The following TRPM3 variants were observed in gnomAD, a reference collection of about 807,000 sequenced individuals.
TRPM3 encodes transient receptor potential cation channel subfamily M member 3.
A neutral mutation model predicts 181.2 loss-of-function variants in TRPM3; 77 were observed. The observed-to-expected ratio is 0.42, with a 90% CI of 0.35 to 0.51. The LOEUF is 0.51. TRPM3 is among the 20% of genes least tolerant of loss of function. The pLI is 0.01. For missense variants in TRPM3, 1,759 were observed against 2,196.7 expected (o/e 0.80, Z 3.98); for synonymous variants, 745 against 796.4 (o/e 0.94, Z 1.09).
intron 1 of TRPM3, among the ~76,000 whole-genome samples, chr9:71,042,716 T>C (rs1398198624): frequency 6.6e-6 from 1 of 152,196 alleles, no homozygotes; most frequent in East Asian, 1.9e-4. Context: ...TTTGATTACA[T>C]TTGGGTAACT....
At chr9:71,318,295 G>A (rs1483444650) in intron 1 of TRPM3, among the ~76,000 whole-genome samples, 1 of 152,090 alleles carries the variant, frequency 6.6e-6, no homozygotes, top group Non-Finnish European at 1.5e-5. Context: ...CCATGAATAT[G>A]TCATTATTTT....
intron 1 of TRPM3, among the ~76,000 whole-genome samples, chr9:71,260,255 C>T (rs2082951945): frequency 6.6e-6 from 1 of 152,142 alleles, no homozygotes; most frequent in Non-Finnish European, 1.5e-5. Flanking sequence ...TGTTTTGGTA[C>T]TAGTACCATG....
intron 9 of TRPM3, among the ~76,000 whole-genome samples, chr9:70,676,292 T>A (rs1329313460): frequency 6.6e-6 from 1 of 152,236 alleles, no homozygotes; most frequent in Non-Finnish European, 1.5e-5. Flanking sequence ...CGAATGAAAC[T>A]ATACAGTCAT....
intron 1 of TRPM3, among the ~76,000 whole-genome samples, chr9:71,343,113 A>G (rs1170870821): frequency 6.6e-6 from 1 of 152,064 alleles, no homozygotes; most frequent in African/African-American, 2.4e-5. Context: ...GGAGGGGGGT[A>G]AAAGAGTGAA....
chr9:71,038,285 T>C (rs2058439679), intron 1 of TRPM3, among the ~76,000 whole-genome samples: 1 of 152,166 alleles, frequency 6.6e-6, no homozygotes, highest in African/African-American at 2.4e-5. Flanking sequence ...GTCTTTAAGT[T>C]CAAACCTTAA....
chr9:71,026,479 C>T (rs2056519926), intron 1 of TRPM3, among the ~76,000 whole-genome samples: 1 of 152,204 alleles, frequency 6.6e-6, no homozygotes, highest in South Asian at 2.1e-4. Flanking sequence ...CATGTACTCG[C>T]CCATGGCCAC....
At position 71,362,936 on chromosome 9, in the gene TRPM3, C is replaced by T. The variant is rs2092210252; in HGVS notation, c.183+83717G>A. ...GCCTAGTGGTATTTCATTGGGATTG[C>T]TGAAGAATATAAAGAGTGATTCTTT... On this transcript the variant is annotated intron_variant, in intron 1 of 24. Transcript: ENST00000357533. Among the ~76,000 whole-genome samples, 2 of 152,076 alleles carry T rather than the reference C, an allele frequency of 1.3e-5. 1 individual carries two copies. The highest frequency in any genetic ancestry group is 1.3e-4 in the Admixed American group (2 of 15,266).
chr9:70,637,914 T>C (rs2057466594), intron 11 of TRPM3, among the ~76,000 whole-genome samples: 1 of 152,186 alleles, frequency 6.6e-6, no homozygotes, highest in Admixed American at 6.6e-5. Flanking sequence ...TAATTTCCAA[T>C]GTACTAGTAT....
Position 70,667,261 on chromosome 9 carries a change from A to G in TRPM3, c.1345+14245T>C, listed in dbSNP as rs2061976909. ...TCAACTGTGAACTTAATGGTTAGAT[A>G]AACTGGTTGGGCTTCTTATCTGGGA... On this transcript the variant is annotated intron_variant, in intron 9 of 25. Transcript: ENST00000677713. Among the ~76,000 whole-genome samples the G allele has an allele frequency of 2.0e-5, 3 of 152,100 alleles. No homozygotes were observed. In the South Asian group the frequency reaches 6.2e-4, roughly 32 times the overall value.
At chr9:70,907,877 GT>G (rs981075482) in intron 1 of TRPM3, among the ~76,000 whole-genome samples, 3 of 152,238 alleles carry the variant, frequency 2.0e-5, no homozygotes, top group Admixed American at 2.0e-4. Flanking sequence ...GCTGCAAAAG[GT>G]ATGATTTCAT....
intron 1 of TRPM3, among the ~76,000 whole-genome samples, chr9:71,257,898 A>G (rs992650841): frequency 5.3e-5 from 8 of 152,172 alleles, no homozygotes; most frequent in African/African-American, 1.9e-4. Context: ...GAATGAAGTG[A>G]TATTTCTTTA....
At chr9:71,401,197 CAAAAA>C (rs59425467) in intron 1 of TRPM3, among the ~76,000 whole-genome samples, 9 of 105,818 alleles carry the variant, frequency 8.5e-5, no homozygotes, top group African/African-American at 3.6e-4. Context: ...GACACCATCG[CAAAAA>C]AAAAAAAAAA....
intron 1 of TRPM3, among the ~76,000 whole-genome samples, chr9:71,267,506 G>A (rs902298692): frequency 7.9e-5 from 12 of 152,166 alleles, no homozygotes; most frequent in African/African-American, 1.7e-4. Flanking sequence ...ACTTTGGGTT[G>A]CAGCTCCTTA....
At chr9:70,602,857 G>A (rs2060316819) in intron 20 of TRPM3, among the ~76,000 whole-genome samples, 1 of 152,184 alleles carries the variant, frequency 6.6e-6, no homozygotes, top group Non-Finnish European at 1.5e-5. Context: ...CTGGCAGAGT[G>A]GTTGGTGCCC....
At chr9:70,741,447 TTGATCCAGGAA>T (rs1213886735) in intron 8 of TRPM3, among the ~76,000 whole-genome samples, 4 of 152,210 alleles carry the variant, frequency 2.6e-5, no homozygotes, top group African/African-American at 9.7e-5. Flanking sequence ...GAACTACTAT[TTGATCCAGGAA>T]TCACACTACT....
rs1377195717 is a variant in TRPM3, at chr9:71,402,269, G to A, written c.183+44384C>T. 2.0e-5 allele frequency among the ~76,000 whole-genome samples: 3 copies of A among 152,162 alleles called. 1 individual carries two copies. The East Asian group carries it at 5.8e-4, about 29-fold the overall frequency. Reference sequence around the variant, plus strand: ...ACATGAAAAGGTGGCACAAAATCTTGCCTCTTTAGTAGTCAACGAAGAATT... The same window carrying A: ...ACATGAAAAGGTGGCACAAAATCTTACCTCTTTAGTAGTCAACGAAGAATT... On this transcript the variant is annotated intron_variant, in intron 1 of 24. Coordinates refer to the TRPM3 transcript ENST00000357533.
In TRPM3 at chr9:70,878,282, A is replaced by G. The variant is rs565640672; in HGVS notation, c.178-13771T>C. On this transcript the variant is annotated intron_variant, in intron 1 of 25. Coordinates refer to ENST00000677713, the MANE Select transcript of TRPM3 (RefSeq NM_001366145.2). ...TAATTTATCAAGATTAAAGGTAAAC[A>G]GAAGCATAGCTGTGGAGTTAATTGT... Among the ~76,000 whole-genome samples, 96 of 152,232 alleles carry G rather than the reference A, an allele frequency of 6.3e-4. 1 individual carries two copies. Among genetic ancestry groups the G allele is most frequent in the African/African-American group, 2.2e-3 (91 of 41,558 alleles).
intron 1 of TRPM3, among the ~76,000 whole-genome samples, chr9:71,423,670 G>A (rs1025787194): frequency 2.6e-5 from 4 of 151,916 alleles, no homozygotes; most frequent in African/African-American, 7.3e-5. Context: ...AATTTAAGAT[G>A]GATATATATA....
chr9:71,286,939 T>C (rs1219402611), intron 1 of TRPM3, among the ~76,000 whole-genome samples: 1 of 94,390 alleles, frequency 1.1e-5, no homozygotes, highest in Non-Finnish European at 2.3e-5. Flanking sequence ...TTTATATATA[T>C]ATAATTTATA....
Sources: allele counts gnomAD v4.1 joint callset (sites outside exome capture counted in the v4.1 genomes callset), GRCh38; gene constraint gnomAD v4.1.1; transcripts MANE v1.5; gene names NCBI Gene and HGNC (gene_info 2026-07-23, HGNC 2026-07-21).